Variants in PRKCG observed in about 807,000 individuals in gnomAD.
PRKCG encodes protein kinase C gamma, also known as protein kinase C gamma type.
PRKCG carries 28 observed loss-of-function variants against 82.0 expected under a neutral mutation model. That is an observed-to-expected ratio of 0.34 (90% CI 0.25 to 0.47). The LOEUF (loss-of-function observed/expected upper bound fraction) is 0.47. PRKCG is among the 20% of genes least tolerant of loss of function. PRKCG has a pLI of 1.00. For synonymous variants in PRKCG, 383 were observed against 376.6 expected (o/e 1.02, Z -0.20); for missense variants, 640 against 952.7 (o/e 0.67, Z 4.32).
chr19:53,894,222 T>C lies in PRKCG; in HGVS notation c.939+831T>C, dbSNP rs542430764. On this transcript the variant is annotated intron_variant, in intron 9 of 17. Transcript: ENST00000263431. ...CTGGGACTACAGGCGCCCACCACCA[T>C]GCCCGGCTAATTTTTTGTATTTTTA... Among the ~76,000 whole-genome samples the C allele has an allele frequency of 2.7e-3, 413 of 150,666 alleles. 2 individuals carry two copies. Among genetic ancestry groups the C allele is most frequent in the South Asian group, 5.9e-3 (28 of 4,744 alleles).
intron 5 of PRKCG, 33 bp from the exon 6 acceptor site, chr19:53,891,641 A>G (rs1335278501): frequency 2.5e-6 from 4 of 1,612,014 alleles, no homozygotes; most frequent in Non-Finnish European, 3.4e-6. Flanking sequence ...CTGGATCTCT[A>G]ACCCGTCACA....
Position 53,907,155 on chromosome 19 carries a change from C to T in PRKCG, c.*260C>T. The T allele has an allele frequency of 1.4e-6, 1 of 729,058 alleles. No homozygotes were observed. The allele number at this position is 729,058 out of a possible 1,614,324, so 45.2% of individuals were successfully genotyped here. ...TGACCTTAGCGTTCTGGACTCTGCC[C>T]CAATCGGGTCCAGAGACCACACCAC... On this transcript the variant is annotated 3_prime_UTR_variant, in exon 18 of 18. Transcript: ENST00000263431.
upstream of PRKCG, among the ~76,000 whole-genome samples, chr19:53,881,522 G>A (rs1437380397): frequency 1.3e-5 from 2 of 151,972 alleles, no homozygotes; most frequent in Non-Finnish European, 2.9e-5. Flanking sequence ...AGAGACAGAG[G>A]GAGACTGATT....
chr19:53,888,370 G>C (rs925185332), intron 3 of PRKCG, among the ~76,000 whole-genome samples: 1 of 152,162 alleles, frequency 6.6e-6, no homozygotes, highest in Admixed American at 6.5e-5. Flanking sequence ...AGCAGATATT[G>C]TCCCGGGGGT....
rs116318351 is a variant in PRKCG, at chr19:53,888,553, G to A, written c.286-1085G>A. ...TTGCCCCAAATCACACAGCTGAGAA[G>A]CGGCCTAGCTCTTACTTACATTCAG... On this transcript the variant is annotated intron_variant, in intron 3 of 17. Coordinates refer to ENST00000263431, the MANE Select transcript of PRKCG (RefSeq NM_002739.5). 3.9e-3 allele frequency among the ~76,000 whole-genome samples: 587 copies of A among 152,256 alleles called. 4 individuals are homozygous for A. The highest frequency in any genetic ancestry group is 0.013 in the African/African-American group (532 of 41,530).
At chr19:53,881,396 G>C (rs1028056254), upstream of PRKCG, among the ~76,000 whole-genome samples, 1 of 151,780 alleles carries the variant, frequency 6.6e-6, no homozygotes, top group African/African-American at 2.4e-5. Flanking sequence ...AGAGGGAGGG[G>C]GAGACAGAGT....
In PRKCG at chr19:53,900,109, G is replaced by A. The variant is rs895741001; in HGVS notation, c.1282-124G>A. The A allele has an allele frequency of 5.6e-6, 5 of 894,184 alleles. No homozygotes were observed. The African/African-American group carries it at 8.2e-5, about 15-fold the overall frequency. 55.4% of individuals were successfully genotyped at this position (894,184 alleles called of 1,614,324 possible). ...TAGGGCCCTCCCAGGGATGTGGCTAGGTGCTCTGAATTTCTGGTTGGGTGC... is the reference window on the plus strand; with the variant it reads ...TAGGGCCCTCCCAGGGATGTGGCTAAGTGCTCTGAATTTCTGGTTGGGTGC... On this transcript the variant is annotated intron_variant, in intron 11 of 17. Coordinates refer to ENST00000263431, the MANE Select transcript of PRKCG (RefSeq NM_002739.5). The surrounding 1 kb of genome is among the most constrained non-coding windows in gnomAD (Gnocchi z 4.2).
Position 53,898,131 on chromosome 19 carries a change from G to C in PRKCG, c.1092+20G>C, listed in dbSNP as rs764743956. 6.2e-7 allele frequency: 1 copy of C among 1,613,318 alleles called. No individual in the cohort carries two copies. Among genetic ancestry groups the C allele is most frequent in the Non-Finnish European group, 8.5e-7 (1 of 1,179,588 alleles). ...GGGAAGGTTGGATTCCTGGGGTTCT[G>C]GGGGAAAGGGAGGATGTCTGTGGGA... On this transcript the variant is annotated intron_variant, in intron 10 of 17. Transcript: ENST00000263431.
chr19:53,906,022 TCTCCCTCCTCCTCCTC>T lies in PRKCG; in HGVS notation c.1765-274_1765-259del, dbSNP rs1311263018. 4.5e-3 allele frequency among the ~76,000 whole-genome samples: 387 copies of T among 85,338 alleles called. 20 individuals are homozygous for T. Among genetic ancestry groups the T allele is most frequent in the Non-Finnish European group, 5.9e-3 (270 of 45,696 alleles). 56.0% of individuals were successfully genotyped at this position (85,338 alleles called of 152,430 possible). ...CTCTCTCTGTCTCGCTCTCTGTCTG[TCTCCCTCCTCCTCCTC>T]CTCCCTCCTCCTCCTCCTCCTCCTC... On this transcript the variant is annotated intron_variant, in intron 16 of 17. Transcript: ENST00000263431.
rs755896158 is a variant in PRKCG, at chr19:53,900,695, C to T, written c.1521C>T (p.Phe507=). Reference sequence around the variant, plus strand: ...TTGGCATGTGTAAGGAGAACGTCTTCCCCGGGACGACAACCCGCACCTTCT... The same window carrying T: ...TTGGCATGTGTAAGGAGAACGTCTTTCCCGGGACGACAACCCGCACCTTCT... ...TDFGMCKENV[F]PGTTTRTFCG... is the part of the protein sequence containing the mutation. Residue 507 remains phenylalanine (F), a synonymous_variant, in exon 14 of 18, where the codon TTC becomes TTT. Coordinates refer to ENST00000263431, the MANE Select transcript of PRKCG (RefSeq NM_002739.5). This position sits in a 1 kb window ranked among gnomAD's most constrained non-coding sequence, Gnocchi z 4.2. 1.2e-6 allele frequency: 2 copies of T among 1,614,216 alleles called. No individual in the cohort carries two copies. The highest frequency in any genetic ancestry group is 1.7e-6 in the Non-Finnish European group (2 of 1,180,044).
At chr19:53,897,414 C>T (rs988149515) in intron 9 of PRKCG, among the ~76,000 whole-genome samples, 1 of 152,158 alleles carries the variant, frequency 6.6e-6, no homozygotes, top group African/African-American at 2.4e-5. Flanking sequence ...GCTCCCTGGA[C>T]TGGCAGCACC....
chr19:53,887,236 G>A (rs994079405), intron 3 of PRKCG, among the ~76,000 whole-genome samples: 38 of 152,104 alleles, frequency 2.5e-4, no homozygotes, highest in African/African-American at 8.4e-4. Flanking sequence ...AGTGGCTCAC[G>A]CCTGTAATCC....
chr19:53,893,641 G>A (rs1420894276), intron 9 of PRKCG, among the ~76,000 whole-genome samples: 1 of 152,128 alleles, frequency 6.6e-6, no homozygotes, highest in Non-Finnish European at 1.5e-5. Flanking sequence ...GGTAGCCCAG[G>A]GCACTGAAGA....
intron 5 of PRKCG, among the ~76,000 whole-genome samples, chr19:53,890,365 T>A (rs983450777): frequency 1.3e-5 from 2 of 151,976 alleles, no homozygotes; most frequent in Non-Finnish European, 2.9e-5. Context: ...CAAGTGATTC[T>A]CCTGCCTCAG....
chr19:53,892,545 C>T lies in PRKCG; in HGVS notation c.723C>T (p.Ser241=), dbSNP rs1161186262. Residue 241 remains serine (S), a synonymous_variant, in exon 7 of 18, where the codon AGC becomes AGT. Coordinates refer to ENST00000263431, the MANE Select transcript of PRKCG (RefSeq NM_002739.5). This position sits in a 1 kb window ranked among gnomAD's most constrained non-coding sequence, Gnocchi z 5.9. ...CAGGGGATGTGGAGCGCCGGCTCAG[C>T]GTGGAGGTGTGGGACTGGGACCGGA... ...LKPGDVERRL[S]VEVWDWDRTS... 4 of 1,613,148 alleles carry T rather than the reference C, an allele frequency of 2.5e-6. No homozygotes were observed. Among genetic ancestry groups the T allele is most frequent in the Non-Finnish European group, 3.4e-6 (4 of 1,179,914 alleles).
At chr19:53,901,849 C>CAAAAAAAAA (rs752402468) in intron 14 of PRKCG, among the ~76,000 whole-genome samples, 2 of 69,078 alleles carry the variant, frequency 2.9e-5, no homozygotes, top group African/African-American at 8.3e-5. Flanking sequence ...GACCCTGTCT[C>CAAAAAAAAA]AAAAAAAAAA....
chr19:53,887,911 C>T (rs900890642), intron 3 of PRKCG, among the ~76,000 whole-genome samples: 2 of 152,044 alleles, frequency 1.3e-5, no homozygotes, highest in East Asian at 1.9e-4. Context: ...GGGCACATGC[C>T]CCCACTTTTC....
rs1416943695 is a variant in PRKCG at position 53,892,237 on chromosome 19, CAGAG to C, written c.687-264_687-261del. Among the ~76,000 whole-genome samples, 2 of 151,946 alleles carry C rather than the reference CAGAG, an allele frequency of 1.3e-5. No individual in the cohort carries two copies. Among genetic ancestry groups the C allele is most frequent in the African/African-American group, 2.4e-5 (1 of 41,348 alleles). On this transcript the variant is annotated intron_variant, in intron 6 of 17. Coordinates refer to ENST00000263431, the MANE Select transcript of PRKCG (RefSeq NM_002739.5). This position sits in a 1 kb window ranked among gnomAD's most constrained non-coding sequence, Gnocchi z 5.9. ...GAGAGGAGAGAAGGGTACAGAGACTCAGAGAGAGAGATCTCGAGAGACAAGAGAC... is the reference window on the plus strand; with the variant it reads ...GAGAGGAGAGAAGGGTACAGAGACTCAGAGAGATCTCGAGAGACAAGAGAC...
chr19:53,898,784 G>GGA (rs1555807850), intron 11 of PRKCG, among the ~76,000 whole-genome samples, 156 bp downstream of exon 11: 2 of 137,454 alleles, frequency 1.5e-5, no homozygotes, highest in Non-Finnish European at 3.1e-5. Flanking sequence ...GGCGTGGCCG[G>GGA]GGGGGGGTCC....
Sources: gnomAD v4.1 joint callset for allele counts (sites outside exome capture counted in the v4.1 genomes callset) on GRCh38, gnomAD v4.1.1 for gene constraint, Gnocchi (gnomAD v3.1) non-coding constraint, MANE v1.5 for transcripts, NCBI Gene and HGNC (gene_info 2026-07-23, HGNC 2026-07-21) for gene names.